Variants in SEZ6L observed in about 807,000 individuals in gnomAD.
SEZ6L encodes the protein seizure 6-like protein.
A neutral mutation model predicts 106.2 loss-of-function variants in SEZ6L; 37 were observed. The observed-to-expected ratio is 0.35, with a 90% CI of 0.27 to 0.46. The LOEUF (loss-of-function observed/expected upper bound fraction) is 0.46. Ranked by LOEUF, SEZ6L falls within the 20% of genes least tolerant of loss-of-function variation. The probability of loss-of-function intolerance (pLI) is 1.00; values close to 1 mark genes in which losing one functional copy is unlikely to be tolerated. For synonymous variants in SEZ6L, 541 were observed against 570.4 expected (o/e 0.95, Z 0.73); for missense variants, 1,172 against 1,332.8 (o/e 0.88, Z 1.88).
chr22:26,259,298 A>G (rs769603479), intron 1 of SEZ6L, among the ~76,000 whole-genome samples: 1 of 152,250 alleles, frequency 6.6e-6, no homozygotes, highest in Non-Finnish European at 1.5e-5. Context: ...TCTATCCTTG[A>G]CAATTTTTGA....
In SEZ6L at chr22:26,191,535, T is replaced by C. The variant is rs1415144532; in HGVS notation, c.94+21772T>C. The stretch of plus-strand genomic sequence containing the variant: ...TCACTTGTAAGTGGGAGCTGAATTA[T>C]GAGAACACATGGACACATGGTGGAG... On this transcript the variant is annotated intron_variant, in intron 1 of 16. Coordinates refer to ENST00000248933, the MANE Select transcript of SEZ6L (RefSeq NM_021115.5). 2.3e-5 allele frequency among the ~76,000 whole-genome samples: 3 copies of C among 133,190 alleles called. No homozygotes were observed. In the Admixed American group the frequency reaches 2.8e-4, roughly 13 times the overall value. The allele number at this position is 133,190 out of a possible 152,430, so 87.4% of individuals were successfully genotyped here.
intron 1 of SEZ6L, among the ~76,000 whole-genome samples, chr22:26,289,376 G>A (rs1273491825): frequency 6.6e-6 from 1 of 152,186 alleles, no homozygotes; most frequent in Non-Finnish European, 1.5e-5. Context: ...ATCCACGTCT[G>A]GTCTAATCCA....
intron 1 of SEZ6L, among the ~76,000 whole-genome samples, chr22:26,218,199 A>AC (rs1395787786): frequency 6.6e-6 from 1 of 151,944 alleles, no homozygotes. Flanking sequence ...TCCCTTTGCA[A>AC]CCCTAACCAA....
intron 9 of SEZ6L, among the ~76,000 whole-genome samples, chr22:26,333,894 A>G (rs1174626812): frequency 6.6e-6 from 1 of 152,128 alleles, no homozygotes; most frequent in Non-Finnish European, 1.5e-5. Flanking sequence ...CAGGGAAGGG[A>G]ATGTGAAAAG....
intron 1 of SEZ6L, among the ~76,000 whole-genome samples, chr22:26,215,371 C>A (rs1195605270): frequency 6.6e-6 from 1 of 152,112 alleles, no homozygotes; most frequent in African/African-American, 2.4e-5. Context: ...ACCCTCACCC[C>A]ACCTCCCACT....
chr22:26,194,648 G>A (rs1940464647), intron 1 of SEZ6L, among the ~76,000 whole-genome samples: 1 of 152,162 alleles, frequency 6.6e-6, no homozygotes. Context: ...GATGTTCCTG[G>A]TAGTGTAGGA....
chr22:26,201,878 G>T (rs74276939), intron 1 of SEZ6L, among the ~76,000 whole-genome samples: 6,769 of 152,158 alleles, frequency 0.044, 210 homozygotes, highest in Admixed American at 0.1. Context: ...TTTTCTAAAA[G>T]GAAGGCAACA....
intron 1 of SEZ6L, among the ~76,000 whole-genome samples, chr22:26,243,852 G>C (rs1056938395): frequency 2.0e-5 from 3 of 151,592 alleles, no homozygotes; most frequent in Non-Finnish European, 4.4e-5. Flanking sequence ...TGGCGTGGTG[G>C]CTCACAAGAG....
At chr22:26,323,648 T>G (rs916576567) in intron 9 of SEZ6L, among the ~76,000 whole-genome samples, 9 of 152,078 alleles carry the variant, frequency 5.9e-5, no homozygotes, top group Non-Finnish European at 1.3e-4. Context: ...AATTAAATAA[T>G]GTAAAAATTA....
At chr22:26,200,065 A>T (rs1602012566) in intron 1 of SEZ6L, among the ~76,000 whole-genome samples, 1 of 152,304 alleles carries the variant, frequency 6.6e-6, no homozygotes, top group East Asian at 1.9e-4. Context: ...CCAATAGGAA[A>T]TGGTGGGGAT....
chr22:26,240,061 CATACAG>C (rs1569409802), intron 1 of SEZ6L, among the ~76,000 whole-genome samples: 175 of 136,138 alleles, frequency 1.3e-3, no homozygotes, highest in African/African-American at 5.5e-3. Context: ...CACATACACA[CATACAG>C]ACACACACAC....
chr22:26,277,481 G>GTTGGGC (rs2080588960), intron 1 of SEZ6L, among the ~76,000 whole-genome samples: 1 of 152,220 alleles, frequency 6.6e-6, no homozygotes, highest in Admixed American at 6.5e-5. Context: ...AAATTAATCA[G>GTTGGGC]TTGGGCTTCT....
chr22:26,337,700 AG>A (rs926037606), intron 9 of SEZ6L, among the ~76,000 whole-genome samples: 3 of 152,084 alleles, frequency 2.0e-5, no homozygotes, highest in African/African-American at 4.8e-5. Context: ...AAAAACTGTC[AG>A]GGGGGTAGGA....
At chr22:26,281,335 T>A (rs1460916800) in intron 1 of SEZ6L, among the ~76,000 whole-genome samples, 1 of 152,050 alleles carries the variant, frequency 6.6e-6, no homozygotes, top group African/African-American at 2.4e-5. Flanking sequence ...GCCTCCAGAA[T>A]TGTAAGAAAT....
intron 3 of SEZ6L, among the ~76,000 whole-genome samples, chr22:26,295,912 T>C (rs1374466822): frequency 6.6e-6 from 1 of 152,128 alleles, no homozygotes; most frequent in East Asian, 1.9e-4. Flanking sequence ...GAAGGTCTCA[T>C]AGAGGAGGGC....
chr22:26,202,156 C>T (rs546963707), intron 1 of SEZ6L, among the ~76,000 whole-genome samples: 5 of 152,252 alleles, frequency 3.3e-5, no homozygotes, highest in African/African-American at 1.2e-4. Context: ...TCTCGTGATC[C>T]ACCTGCCTCG....
chr22:26,362,970 T>C (rs1405198071), intron 12 of SEZ6L, among the ~76,000 whole-genome samples: 1 of 152,222 alleles, frequency 6.6e-6, no homozygotes, highest in Non-Finnish European at 1.5e-5. Context: ...GATTCATTCA[T>C]CTTTTCATTG....
intron 3 of SEZ6L, among the ~76,000 whole-genome samples, chr22:26,294,951 CTTT>C (rs2081259344): frequency 1.3e-5 from 2 of 148,460 alleles, no homozygotes; most frequent in African/African-American, 5.0e-5. Flanking sequence ...TTCTTTCTTT[CTTT>C]CTTTCTTGCT....
intron 1 of SEZ6L, among the ~76,000 whole-genome samples, chr22:26,249,102 G>A (rs1242746320): frequency 6.6e-6 from 1 of 152,102 alleles, no homozygotes; most frequent in African/African-American, 2.4e-5. Flanking sequence ...TTCAATACGT[G>A]TACACAAATG....
Sources: gnomAD v4.1 joint callset for allele counts (sites outside exome capture counted in the v4.1 genomes callset) on GRCh38, gnomAD v4.1.1 for gene constraint, MANE v1.5 for transcripts, NCBI Gene and HGNC (gene_info 2026-07-23, HGNC 2026-07-21) for gene names.